FAF1: variants seen among roughly 807,000 people sequenced by gnomAD.
FAF1 encodes FAS-associated factor 1.
Under a neutral mutation model 92.5 loss-of-function variants are expected in FAF1, and 25 were observed. That is an observed-to-expected ratio of 0.27 (90% CI 0.20 to 0.38). FAF1 has a LOEUF of 0.38. FAF1 is among the 10% of genes least tolerant of loss of function. The probability of loss-of-function intolerance (pLI) is 1.00; values close to 1 mark genes in which losing one functional copy is unlikely to be tolerated. For synonymous variants in FAF1, 234 were observed against 273.2 expected, an observed-to-expected ratio of 0.86 and a Z score of 1.42; for missense variants, 636 against 793.3, an observed-to-expected ratio of 0.80 and a Z score of 2.38.
chr1:50,862,314 A>C (rs748937053), intron 1 of FAF1, among the ~76,000 whole-genome samples: 1 of 151,896 alleles, frequency 6.6e-6, no homozygotes, highest in Non-Finnish European at 1.5e-5. Context: ...TCTTAAACAT[A>C]CTTATAGAGC....
chr1:50,611,881 C>T (rs1332039815), intron 8 of FAF1, among the ~76,000 whole-genome samples: 1 of 152,140 alleles, frequency 6.6e-6, no homozygotes, highest in Non-Finnish European at 1.5e-5. Context: ...GGCTGGAGGA[C>T]ACAAGGCAGA....
intron 1 of FAF1, among the ~76,000 whole-genome samples, chr1:50,868,134 G>A (rs1644497528): frequency 6.6e-6 from 1 of 152,112 alleles, no homozygotes; most frequent in South Asian, 2.1e-4. Flanking sequence ...CTATGAGGAT[G>A]CAAAGGCATA....
chr1:50,931,887 T>A (rs1645049927), intron 1 of FAF1, among the ~76,000 whole-genome samples: 1 of 31,700 alleles, frequency 3.2e-5, no homozygotes, highest in African/African-American at 1.0e-4. Context: ...AATAAATAAA[T>A]AAATAATAAT....
chr1:50,872,841 G>A (rs1030627833), intron 1 of FAF1, among the ~76,000 whole-genome samples: 1 of 151,962 alleles, frequency 6.6e-6, no homozygotes, highest in African/African-American at 2.4e-5. Context: ...CGGAGTTGCA[G>A]TGAGCCGAGA....
intron 8 of FAF1, among the ~76,000 whole-genome samples, chr1:50,612,799 G>C (rs1365770506): frequency 6.6e-6 from 1 of 152,172 alleles, no homozygotes. Flanking sequence ...ACAAGAAAAA[G>C]TAATTTCACC....
intron 12 of FAF1, among the ~76,000 whole-genome samples, chr1:50,577,890 C>CA (rs1362763611): frequency 3.3e-5 from 5 of 152,170 alleles, no homozygotes; most frequent in African/African-American, 1.2e-4. Flanking sequence ...CTGCTTCGTA[C>CA]AGTACTGTAA....
At chr1:50,650,111 C>G (rs1654788542) in intron 8 of FAF1, among the ~76,000 whole-genome samples, 1 of 146,716 alleles carries the variant, frequency 6.8e-6, no homozygotes, top group Non-Finnish European at 1.5e-5. Context: ...ATGGAGAAAC[C>G]CCATGTCTAC....
intron 15 of FAF1, among the ~76,000 whole-genome samples, chr1:50,534,413 G>C (rs552692197): frequency 1.3e-5 from 2 of 152,218 alleles, no homozygotes; most frequent in East Asian, 3.9e-4. Flanking sequence ...CTCCCGAGTA[G>C]CTGGGATTAC....
intron 1 of FAF1, among the ~76,000 whole-genome samples, chr1:50,865,907 GAAA>G (rs1644478004): frequency 7.3e-6 from 1 of 137,684 alleles, no homozygotes. Context: ...TTAACCAAAA[GAAA>G]AGATCCAACT....
intron 7 of FAF1, among the ~76,000 whole-genome samples, chr1:50,694,596 A>G (rs979420914): frequency 7.3e-5 from 11 of 151,126 alleles, no homozygotes; most frequent in African/African-American, 2.7e-4. Context: ...CCAAAACTTT[A>G]TTAAGTATTT....
At chr1:50,543,493 C>T (rs1297690760) in intron 13 of FAF1, among the ~76,000 whole-genome samples, 1 of 152,106 alleles carries the variant, frequency 6.6e-6, no homozygotes, top group Non-Finnish European at 1.5e-5. Flanking sequence ...ATAACACTTA[C>T]CTTTAAAACA....
intron 2 of FAF1, among the ~76,000 whole-genome samples, chr1:50,850,892 CAAG>C (rs747002139): frequency 1.3e-5 from 2 of 152,016 alleles, no homozygotes; most frequent in Admixed American, 6.6e-5. Flanking sequence ...TTGAAACTAG[CAAG>C]AAGAATTGCC....
rs117759475 is a variant in FAF1, at chr1:50,521,134, T to C, written c.1494+14235A>G. ...TGTAGAATGGCTATATTGAGCTAAG[T>C]AACACATGCATAACCTCACATACTT... On this transcript the variant is annotated intron_variant, in intron 15 of 18. Transcript: ENST00000396153. 4.6e-5 allele frequency among the ~76,000 whole-genome samples: 7 copies of C among 152,314 alleles called. No homozygotes were observed. In the East Asian group the frequency reaches 1.3e-3, roughly 29 times the overall value.
At chr1:50,687,388 T>C (rs1190067425) in intron 7 of FAF1, among the ~76,000 whole-genome samples, 1 of 140,204 alleles carries the variant, frequency 7.1e-6, no homozygotes, top group Non-Finnish European at 1.5e-5. Context: ...ACCTGAAAAA[T>C]GGGCAAAGGA....
chr1:50,889,741 A>G (rs1459591459), intron 1 of FAF1, among the ~76,000 whole-genome samples: 1 of 151,784 alleles, frequency 6.6e-6, no homozygotes, highest in South Asian at 2.1e-4. Context: ...AGTTTGTTAT[A>G]ATTTCTGTTC....
At chr1:50,666,051 C>T (rs1655606836) in intron 7 of FAF1, among the ~76,000 whole-genome samples, 1 of 151,338 alleles carries the variant, frequency 6.6e-6, no homozygotes, top group Admixed American at 6.6e-5. Flanking sequence ...GTGGTGCATC[C>T]TGTAATCCCA....
chr1:50,761,610 C>T (rs1163190615), intron 4 of FAF1, among the ~76,000 whole-genome samples: 1 of 152,124 alleles, frequency 6.6e-6, no homozygotes, highest in East Asian at 1.9e-4. Flanking sequence ...TCAGTAGATG[C>T]AGAAAAAGCC....
At chr1:50,585,306 T>C (rs1438046468) in intron 9 of FAF1, among the ~76,000 whole-genome samples, 1 of 152,176 alleles carries the variant, frequency 6.6e-6, no homozygotes, top group Non-Finnish European at 1.5e-5. Context: ...ATGGATAACA[T>C]GAAATACACT....
intron 1 of FAF1, among the ~76,000 whole-genome samples, chr1:50,936,577 C>T (rs1236244167): frequency 1.3e-5 from 2 of 152,198 alleles, no homozygotes; most frequent in Non-Finnish European, 2.9e-5. Context: ...TTACAAGGAG[C>T]TTTGTTAGCC....
Sources: gnomAD v4.1 joint callset for allele counts (sites outside exome capture counted in the v4.1 genomes callset) on GRCh38, gnomAD v4.1.1 for gene constraint, MANE v1.5 for transcripts, NCBI Gene and HGNC (gene_info 2026-07-23, HGNC 2026-07-21) for gene names.